Variants in CZIB observed in about 807,000 individuals in gnomAD.
CZIB encodes UPF0587 protein C1orf123.
CZIB carries 26 observed loss-of-function variants against 28.3 expected under a neutral mutation model. That is an observed-to-expected ratio of 0.92 (90% CI 0.67 to 1.27). The LOEUF is 1.27. Among genes scored for constraint, CZIB ranks in the 50% most tolerant of loss-of-function variants. The probability of loss-of-function intolerance (pLI) is 0.00; values close to 1 mark genes in which losing one functional copy is unlikely to be tolerated. For synonymous variants in CZIB, 78 were observed against 71.1 expected, an observed-to-expected ratio of 1.10 and a Z score of -0.49; for missense variants, 179 against 197.3, an observed-to-expected ratio of 0.91 and a Z score of 0.56.
In CZIB at chr1:53,218,432, C is replaced by T; in HGVS notation, c.211G>A (p.Ala71Thr). ...ASMVQKCKLC[A>T]RENSIEILSS... is the part of the protein sequence containing the mutation. ...GACCTACCGATGGAATTTTCTCTTG[C>T]ACACAGCTTGCACTTCTGGACCATG... The change falls in exon 4 of 8, where the codon GCA becomes ACA. Residue 71 changes from alanine to threonine, a missense_variant. Physicochemically the swap from Ala to Thr is moderately conservative, Grantham distance 58. Transcript: ENST00000294360. 6.2e-7 allele frequency: 1 copy of T among 1,614,234 alleles called. No homozygotes were observed.
Position 53,219,209 on chromosome 1 carries a change from G to A in CZIB, c.91-286C>T, listed in dbSNP as rs187063635. 1.8e-3 allele frequency: 675 copies of A among 378,956 alleles called. 6 individuals carry two copies. Among genetic ancestry groups the A allele is most frequent in the African/African-American group, 0.013 (627 of 46,480 alleles). 23.5% of individuals were successfully genotyped at this position (378,956 alleles called of 1,614,324 possible). On this transcript the variant is annotated intron_variant, in intron 2 of 7. Transcript: ENST00000294360. ...GCAGAAATGGTTTCAGCGGAGGTGA[G>A]GGGGGGGAATATGGAGAGATTTGTT...
chr1:53,216,870 A>G lies in CZIB; in HGVS notation c.262-11T>C. On this transcript the variant is annotated splice_polypyrimidine_tract_variant and intron_variant, in intron 5 of 7. Transcript: ENST00000294360. Reference sequence around the variant, plus strand: ...CTCATTGTCTTCAGCCTAGAAAGGAAGTGTGTTGAGGAGGCAGGCCCAAAT... The same window carrying G: ...CTCATTGTCTTCAGCCTAGAAAGGAGGTGTGTTGAGGAGGCAGGCCCAAAT... 6.2e-7 allele frequency: 1 copy of G among 1,613,250 alleles called. No individual in the cohort carries two copies. The highest frequency in any genetic ancestry group is 8.5e-7 in the Non-Finnish European group (1 of 1,179,186).
At chr1:53,217,531 T>G (rs1645482300) in intron 5 of CZIB, 1 of 153,656 alleles carries the variant, frequency 6.5e-6, no homozygotes, top group Non-Finnish European at 1.4e-5. Context: ...AGTAATTTCC[T>G]GCACACTGAC....
chr1:53,218,921 C>T lies in CZIB; in HGVS notation c.93G>A (p.Met31Ile). Residue 31 changes from methionine (M) to isoleucine (I), a missense_variant and splice_region_variant, in exon 3 of 8, where the codon ATG becomes ATA. By Grantham distance (10) the Met-to-Ile change is conservative (BLOSUM62 1). Coordinates refer to ENST00000294360, the MANE Select transcript of CZIB (RefSeq NM_017887.3). ...AAATCTCACCACAGTTGCCACATTT[C>T]ATCTTTGGGGAAAAAGAATGTTAGT... ...VGEDFRWYLKMKCGNCGEISD... is the reference protein window; with the variant it reads ...VGEDFRWYLKIKCGNCGEISD... 6.2e-7 allele frequency: 1 copy of T among 1,613,706 alleles called. No individual in the cohort carries two copies. Among genetic ancestry groups the T allele is most frequent in the Non-Finnish European group, 8.5e-7 (1 of 1,179,662 alleles).
Position 53,216,827 on chromosome 1 carries a change from C to A in CZIB, c.294G>T (p.Val98=), listed in dbSNP as rs1274080081. The A allele has an allele frequency of 1.2e-6, 2 of 1,614,196 alleles. No homozygotes were observed. Among genetic ancestry groups the A allele is most frequent in the Admixed American group, 3.3e-5 (2 of 60,034 alleles). The change falls in exon 6 of 8, where the codon GTG becomes GTT. Residue 98 remains valine (V), a synonymous_variant. Transcript: ENST00000294360. ...GTTCAAGGCCCCGGCACTCAAACTC[C>A]ACTATTGTCTTGAAGTTCTCATTGT... ...AEDNENFKTI[V]EFECRGLEPV... is the part of the protein sequence containing the mutation.
chr1:53,216,225 G>T (rs115884122), intron 6 of CZIB, among the ~76,000 whole-genome samples, 169 bp from the exon 7 acceptor site: 213 of 152,332 alleles, frequency 1.4e-3, no homozygotes, highest in Non-Finnish European at 2.6e-3. Flanking sequence ...CCCGGCAGCT[G>T]CCTCAGAACT....
chr1:53,218,558 C>A (rs1311099381), intron 3 of CZIB, 63 bp from the exon 4 acceptor site: 1 of 1,505,416 alleles, frequency 6.6e-7, no homozygotes, highest in Admixed American at 1.8e-5. Context: ...CTGAGGAGAT[C>A]GAGCCCACCA....
chr1:53,214,505 T>C lies in CZIB; in HGVS notation c.*154A>G. On this transcript the variant is annotated 3_prime_UTR_variant, in exon 8 of 8. Coordinates refer to ENST00000294360, the MANE Select transcript of CZIB (RefSeq NM_017887.3). ...TGAACAGGGGCTTTATTGATGGGGC[T>C]TGGGAAGCTGTAATAAAGTCCAGCA... is the stretch of plus-strand genomic sequence containing the variant. 1 of 633,846 alleles carries C rather than the reference T, an allele frequency of 1.6e-6. No individual in the cohort carries two copies. The highest frequency in any genetic ancestry group is 1.9e-5 in the South Asian group (1 of 52,170). 39.3% of individuals were successfully genotyped at this position (633,846 alleles called of 1,614,324 possible).
Position 53,218,041 on chromosome 1 carries a change from GA to G in CZIB, c.261+130del, listed in dbSNP as rs755937187. On this transcript the variant is annotated intron_variant, in intron 5 of 7. Transcript: ENST00000294360. Reference sequence around the variant, plus strand: ...ACAGTGGATAAATGACTGAGTCAAAGAAGAACTAAGTTCATGAGTGAATGTC... The same window carrying G: ...ACAGTGGATAAATGACTGAGTCAAAGAGAACTAAGTTCATGAGTGAATGTC... The G allele has an allele frequency of 1.0e-3, 977 of 967,378 alleles. 1 individual carries two copies. The highest frequency in any genetic ancestry group is 1.4e-3 in the Non-Finnish European group (885 of 641,166). The allele number at this position is 967,378 out of a possible 1,614,324, so 59.9% of individuals were successfully genotyped here.
rs761694363 is a variant in CZIB, at chr1:53,218,460, A to T, written c.183T>A (p.Ala61=). Residue 61 remains alanine, a synonymous_variant, in exon 4 of 8, where the codon GCT becomes GCA. Transcript: ENST00000294360. The stretch of plus-strand genomic sequence containing the variant: ...ACAGCTTGCACTTCTGGACCATGGA[A>T]GCACTGCCACGGCCCCCCTTCAGTG... ...SVALKGGRGS[A]SMVQKCKLCA... The T allele has an allele frequency of 6.2e-7, 1 of 1,614,192 alleles. No homozygotes were observed.
In CZIB at chr1:53,214,427, T is replaced by A; in HGVS notation, c.*232A>T. ...TGAACTGCTGCTGCACGAATTCTTA[T>A]TTGTGGAGGGAGTAGCTGCCTCCTT... is the stretch of plus-strand genomic sequence containing the variant. On this transcript the variant is annotated 3_prime_UTR_variant, in exon 8 of 8. Transcript: ENST00000294360. 1 of 496,598 alleles carries A rather than the reference T, an allele frequency of 2.0e-6. No individual in the cohort carries two copies. The highest frequency in any genetic ancestry group is 3.6e-6 in the Non-Finnish European group (1 of 276,964). The allele number at this position is 496,598 out of a possible 1,614,324, so 30.8% of individuals were successfully genotyped here.
intron 6 of CZIB, among the ~76,000 whole-genome samples, 153 bp from the exon 7 acceptor site, chr1:53,216,209 C>T (rs1174949238): frequency 6.6e-6 from 1 of 152,172 alleles, no homozygotes; most frequent in Non-Finnish European, 1.5e-5. Flanking sequence ...TGCTGAGCTT[C>T]CAGGACCCGG....
At position 53,218,913 on chromosome 1, in the gene CZIB, C is replaced by G; in HGVS notation, c.101G>C (p.Gly34Ala). ...CTTGTCCGAAATCTCACCACAGTTG[C>G]CACATTTCATCTTTGGGGAAAAAGA... ...DFRWYLKMKC[G>A]NCGEISDKWQ... Residue 34 changes from glycine (G) to alanine (A), a missense_variant, in exon 3 of 8, where the codon GGC becomes GCC. Coordinates refer to ENST00000294360, the MANE Select transcript of CZIB (RefSeq NM_017887.3). 1 of 1,613,812 alleles carries G rather than the reference C, an allele frequency of 6.2e-7. No homozygotes were observed. Among genetic ancestry groups the G allele is most frequent in the Non-Finnish European group, 8.5e-7 (1 of 1,179,828 alleles).
rs563813531 is a variant in CZIB, at chr1:53,220,213, C to G, written c.90+48G>C. ...CCGGAGAGAAGGCTCCGGTTCAGCA[C>G]TGAGATCAGGACGGGCCTCCTCTCC... On this transcript the variant is annotated intron_variant, in intron 2 of 7. Transcript: ENST00000294360. The G allele has an allele frequency of 3.9e-6, 6 of 1,529,958 alleles. No individual in the cohort carries two copies. In the Admixed American group the frequency reaches 8.5e-5, roughly 22 times the overall value. The allele number at this position is 1,529,958 out of a possible 1,614,324, so 94.8% of individuals were successfully genotyped here.
chr1:53,218,573 T>C, intron 3 of CZIB, 78 bp from the exon 4 acceptor site: 1 of 1,428,678 alleles, frequency 7.0e-7, no homozygotes, highest in Non-Finnish European at 9.7e-7. Flanking sequence ...CCACCATTTA[T>C]TGTCCACTTA....
chr1:53,218,047 C>G, intron 5 of CZIB, 125 bp downstream of exon 5: 1 of 1,022,534 alleles, frequency 9.8e-7, no homozygotes, highest in Non-Finnish European at 1.5e-6. Flanking sequence ...CAAAGAAGAA[C>G]TAAGTTCATG....
At position 53,220,246 on chromosome 1, in the gene CZIB, C is replaced by T. The variant is rs762464271; in HGVS notation, c.90+15G>A. The T allele has an allele frequency of 1.9e-6, 3 of 1,610,948 alleles. No individual in the cohort carries two copies. The highest frequency in any genetic ancestry group is 3.3e-5 in the Admixed American group (2 of 59,958). ...AGGACGGGCCTCCTCTCCCCGGGCC[C>T]CGCCCCGGCCGCACCTTCAGGTACC... On this transcript the variant is annotated intron_variant, in intron 2 of 7. Transcript: ENST00000294360.
intron 2 of CZIB, 63 bp downstream of exon 2, chr1:53,220,198 G>A (rs1645510675): frequency 7.2e-7 from 1 of 1,391,352 alleles, no homozygotes; most frequent in East Asian, 2.3e-5. Flanking sequence ...CCGGAGAGAA[G>A]GCTCCGGTTC....
At chr1:53,214,900 T>C (rs1366742824) in intron 7 of CZIB, among the ~76,000 whole-genome samples, 164 bp from the exon 8 acceptor site, 1 of 152,220 alleles carries the variant, frequency 6.6e-6, no homozygotes, top group African/African-American at 2.4e-5. Context: ...TTCTAGCTCT[T>C]TCAGTTGTAT....
Sources: gnomAD v4.1 joint callset for allele counts (sites outside exome capture counted in the v4.1 genomes callset) on GRCh38, gnomAD v4.1.1 for gene constraint, MANE v1.5 for transcripts, NCBI Gene and HGNC (gene_info 2026-07-23, HGNC 2026-07-21) for gene names.